The following GUCY1A2 variants were observed in gnomAD, a reference collection of about 807,000 sequenced individuals.
GUCY1A2 encodes guanylate cyclase soluble subunit alpha-2.
A neutral mutation model predicts 63.5 loss-of-function variants in GUCY1A2; 27 were observed. The observed-to-expected ratio is 0.43, with a 90% CI of 0.31 to 0.59. The LOEUF (loss-of-function observed/expected upper bound fraction) is 0.59, where lower values mean the gene tolerates loss of function less well. Among genes scored for constraint, GUCY1A2 ranks in the 20% least tolerant of loss-of-function variants. The pLI is 0.11. For synonymous variants in GUCY1A2, 364 were observed against 343.5 expected (o/e 1.06, Z -0.66); for missense variants, 768 against 913.3 (o/e 0.84, Z 2.05).
intron 4 of GUCY1A2, among the ~76,000 whole-genome samples, chr11:106,848,673 C>A (rs1245962517): frequency 3.3e-5 from 5 of 151,548 alleles, no homozygotes; most frequent in Non-Finnish European, 5.9e-5. Context: ...AATTTGTACA[C>A]TGGCTTTGAG....
At chr11:106,999,938 C>T (rs1220307632) in intron 1 of GUCY1A2, among the ~76,000 whole-genome samples, 3 of 152,154 alleles carry the variant, frequency 2.0e-5, no homozygotes, top group Admixed American at 6.5e-5. Context: ...TATTTTATTC[C>T]TTCCATTTTT....
chr11:106,888,152 T>C (rs970491653), intron 4 of GUCY1A2, among the ~76,000 whole-genome samples: 5 of 152,034 alleles, frequency 3.3e-5, no homozygotes, highest in African/African-American at 9.7e-5. Context: ...ATTTTAAGGA[T>C]GCTGAGAACC....
intron 4 of GUCY1A2, among the ~76,000 whole-genome samples, chr11:106,922,712 T>C (rs1033888748): frequency 2.1e-4 from 19 of 92,440 alleles, no homozygotes; most frequent in African/African-American, 6.1e-4. Flanking sequence ...TATATATATA[T>C]ATATGTACTC....
intron 3 of GUCY1A2, among the ~76,000 whole-genome samples, chr11:106,948,957 T>C (rs1435953705): frequency 6.6e-6 from 1 of 152,206 alleles, no homozygotes; most frequent in Non-Finnish European, 1.5e-5. Context: ...GGACGGTATG[T>C]ATGCCTTAAC....
rs191512231 is a variant in GUCY1A2 at position 106,732,273 on chromosome 11, G to A, written c.1837-23607C>T. Among the ~76,000 whole-genome samples the A allele has an allele frequency of 1.3e-4, 20 of 152,248 alleles. No homozygotes were observed. In the East Asian group the frequency reaches 3.5e-3, roughly 26 times the overall value. On this transcript the variant is annotated intron_variant, in intron 6 of 7. Coordinates refer to ENST00000526355, the MANE Select transcript of GUCY1A2 (RefSeq NM_000855.3). ...ACAAAGTCGACAGAAACAAGCAATA[G>A]AGAAAGGACTCCCTATTTAATAAAT...
chr11:107,016,383 T>C (rs571720827), intron 1 of GUCY1A2, among the ~76,000 whole-genome samples: 1 of 152,376 alleles, frequency 6.6e-6, no homozygotes, highest in East Asian at 1.9e-4. Context: ...AGAGTGGATT[T>C]CTTTAAAACA....
At chr11:106,916,474 A>T (rs1391441257) in intron 4 of GUCY1A2, among the ~76,000 whole-genome samples, 3 of 145,568 alleles carry the variant, frequency 2.1e-5, no homozygotes, top group African/African-American at 7.3e-5. Context: ...GGATCGTAGT[A>T]CAGACTCTCA....
chr11:106,940,309 T>C (rs1441057347), intron 3 of GUCY1A2, 131 bp from the exon 4 acceptor site: 5 of 553,480 alleles, frequency 9.0e-6, no homozygotes, highest in African/African-American at 1.9e-5. Flanking sequence ...GATCCACAAA[T>C]TTCCACATAG....
At chr11:106,749,631 C>A (rs1014607132) in intron 6 of GUCY1A2, among the ~76,000 whole-genome samples, 1 of 152,068 alleles carries the variant, frequency 6.6e-6, no homozygotes, top group Non-Finnish European at 1.5e-5. Context: ...TTCTTGCCTG[C>A]TCTTCCCTAG....
chr11:107,004,840 A>C (rs144756527), intron 1 of GUCY1A2, among the ~76,000 whole-genome samples: 2,048 of 152,284 alleles, frequency 0.013, 27 homozygotes, highest in South Asian at 0.045. Flanking sequence ...GACATTTCTG[A>C]CATGAGGAAC....
chr11:106,836,128 G>T (rs569373582), intron 4 of GUCY1A2, among the ~76,000 whole-genome samples: 1 of 151,992 alleles, frequency 6.6e-6, no homozygotes, highest in African/African-American at 2.4e-5. Flanking sequence ...AATGAAAAAA[G>T]TGCAGTTGGC....
intron 1 of GUCY1A2, among the ~76,000 whole-genome samples, chr11:107,006,454 G>A (rs1300516295): frequency 6.6e-6 from 1 of 152,160 alleles, no homozygotes; most frequent in East Asian, 1.9e-4. Flanking sequence ...ACCATTCTGT[G>A]CATGTATATA....
At chr11:106,885,794 G>T (rs990502237) in intron 4 of GUCY1A2, among the ~76,000 whole-genome samples, 1 of 152,160 alleles carries the variant, frequency 6.6e-6, no homozygotes, top group Non-Finnish European at 1.5e-5. Context: ...ATCATCACAT[G>T]TAGTATACAT....
rs1056704292 is a variant in GUCY1A2, at chr11:106,677,307, A to G, written c.*10242T>C. ...CTGCACATAAAACTTATGTATATAAACCATTCATTTCACATTCATCAAGAA... is the reference window on the plus strand; with the variant it reads ...CTGCACATAAAACTTATGTATATAAGCCATTCATTTCACATTCATCAAGAA... On this transcript the variant is annotated 3_prime_UTR_variant, in exon 8 of 8. Transcript: ENST00000526355. 9 of 216,884 alleles carry G rather than the reference A, an allele frequency of 4.1e-5. No homozygotes were observed. Among genetic ancestry groups the G allele is most frequent in the Non-Finnish European group, 6.5e-5 (7 of 107,786 alleles). 13.4% of individuals were successfully genotyped at this position (216,884 alleles called of 1,614,324 possible). A position where few individuals can be genotyped will look rare whatever the true frequency, so the allele number is the denominator to read the frequency against.
At chr11:106,842,025 T>C (rs147464137) in intron 4 of GUCY1A2, among the ~76,000 whole-genome samples, 62 of 151,978 alleles carry the variant, frequency 4.1e-4, no homozygotes, top group African/African-American at 1.4e-3. Flanking sequence ...TAGTTTCCAG[T>C]TGGGTTTGGC....
intron 4 of GUCY1A2, among the ~76,000 whole-genome samples, chr11:106,908,044 T>C (rs1860237705): frequency 6.6e-6 from 1 of 152,128 alleles, no homozygotes; most frequent in African/African-American, 2.4e-5. Context: ...ACTTCAGTGT[T>C]AGTAGTATAA....
At chr11:106,687,882 T>C (rs1473507196) in intron 7 of GUCY1A2, 126 bp from the exon 8 acceptor site, 5 of 644,936 alleles carry the variant, frequency 7.8e-6, no homozygotes, top group Non-Finnish European at 1.4e-5. Flanking sequence ...TTTCTTTGTA[T>C]AGATGTGGCC....
At chr11:106,896,201 A>G (rs551602754) in intron 4 of GUCY1A2, among the ~76,000 whole-genome samples, 1 of 152,144 alleles carries the variant, frequency 6.6e-6, no homozygotes, top group Non-Finnish European at 1.5e-5. Flanking sequence ...TCACATCAAT[A>G]GGCTAAAGAA....
chr11:106,944,649 T>A (rs1279321277), intron 3 of GUCY1A2, among the ~76,000 whole-genome samples: 1 of 152,116 alleles, frequency 6.6e-6, no homozygotes, highest in East Asian at 1.9e-4. Context: ...TAAAATAAAA[T>A]TTTTTAATCT....
Sources: gnomAD v4.1 joint callset for allele counts (sites outside exome capture counted in the v4.1 genomes callset) on GRCh38, gnomAD v4.1.1 for gene constraint, MANE v1.5 for transcripts, NCBI Gene and HGNC (gene_info 2026-07-23, HGNC 2026-07-21) for gene names.